GRIK2: variants seen among roughly 807,000 people sequenced by gnomAD.
GRIK2 encodes glutamate ionotropic receptor kainate type subunit 2.
In GRIK2, 32 loss-of-function variants were observed where a neutral mutation model predicts 100.3. That is an observed-to-expected ratio of 0.32 (90% CI 0.24 to 0.43). The LOEUF (loss-of-function observed/expected upper bound fraction) is 0.43, where lower values mean the gene tolerates loss of function less well. GRIK2 is among the 20% of genes least tolerant of loss of function. The probability of loss-of-function intolerance (pLI) is 1.00; values close to 1 mark genes in which losing one functional copy is unlikely to be tolerated. For missense variants in GRIK2, 843 were observed against 1,114.9 expected, an observed-to-expected ratio of 0.76 and a Z score of 3.47; for synonymous variants, 417 against 389.4, an observed-to-expected ratio of 1.07 and a Z score of -0.83.
intron 10 of GRIK2, among the ~76,000 whole-genome samples, chr6:101,826,390 G>A (rs1015613629): frequency 6.6e-6 from 1 of 152,042 alleles, no homozygotes; most frequent in Non-Finnish European, 1.5e-5. Context: ...AGACGTAAAG[G>A]TTAAAAGCCT....
At chr6:101,488,737 C>T (rs946182180) in intron 2 of GRIK2, among the ~76,000 whole-genome samples, 2 of 146,402 alleles carry the variant, frequency 1.4e-5, no homozygotes, top group Non-Finnish European at 3.0e-5. Context: ...CACAAATAAA[C>T]ACTTTTTTTA....
intron 11 of GRIK2, among the ~76,000 whole-genome samples, chr6:101,879,332 T>A (rs925338391): frequency 6.6e-6 from 1 of 152,066 alleles, no homozygotes; most frequent in African/African-American, 2.4e-5. Flanking sequence ...AATACATGCT[T>A]CTTTGAGGCT....
chr6:101,930,349 A>AG (rs1392805217), intron 14 of GRIK2, among the ~76,000 whole-genome samples: 1 of 39,390 alleles, frequency 2.5e-5, no homozygotes, highest in Non-Finnish European at 5.1e-5. Context: ...TCTCAAAAAA[A>AG]AAAAATAAAA....
chr6:101,919,729 AG>A (rs1160462709), intron 12 of GRIK2, among the ~76,000 whole-genome samples: 1 of 151,896 alleles, frequency 6.6e-6, no homozygotes, highest in African/African-American at 2.4e-5. Flanking sequence ...GTGAGAAACA[AG>A]GGTGCATGTC....
At chr6:102,064,058 C>T (rs754713155) in intron 16 of GRIK2, 1 of 1,165,590 alleles carries the variant, frequency 8.6e-7, no homozygotes, top group East Asian at 2.4e-5. Context: ...GGTTAGTATC[C>T]TTGTGCCTTT....
chr6:101,598,599 A>AG (rs1779040235), intron 2 of GRIK2, among the ~76,000 whole-genome samples: 1 of 141,878 alleles, frequency 7.0e-6, no homozygotes, highest in Non-Finnish European at 1.5e-5. Context: ...TAATAAAAAA[A>AG]AAAAAAAAAA....
In GRIK2 at chr6:101,686,236, G is replaced by A; in HGVS notation, c.834G>A (p.Gly278=). 2.5e-6 allele frequency: 4 copies of A among 1,612,782 alleles called. No homozygotes were observed. Among genetic ancestry groups the A allele is most frequent in the South Asian group, 1.1e-5 (1 of 91,042 alleles). The stretch of plus-strand genomic sequence containing the variant: ...GATACAGTGGTGTTAACATGACAGG[G>A]TTCAGAATATTAAATACAGAAAATA... ...PYRYSGVNMT[G]FRILNTENTQ... Residue 278 remains glycine, a synonymous_variant, in exon 7 of 17, where the codon GGG becomes GGA. Transcript: ENST00000369134.
chr6:101,800,843 G>C (rs1780624654), intron 8 of GRIK2, among the ~76,000 whole-genome samples: 1 of 152,006 alleles, frequency 6.6e-6, no homozygotes, highest in Admixed American at 6.6e-5. Flanking sequence ...CTAGATTATT[G>C]AAACAATGAC....
chr6:101,458,582 G>A (rs1056973005), intron 2 of GRIK2, among the ~76,000 whole-genome samples: 3 of 152,184 alleles, frequency 2.0e-5, no homozygotes, highest in Non-Finnish European at 4.4e-5. Flanking sequence ...TCTAGGCACT[G>A]CAGATACAAA....
In GRIK2 at chr6:101,505,108, T is replaced by C. The variant is rs184219103; in HGVS notation, c.115+105716T>C. 2.6e-3 allele frequency among the ~76,000 whole-genome samples: 398 copies of C among 152,094 alleles called. 5 individuals are homozygous for C. Among genetic ancestry groups the C allele is most frequent in the Non-Finnish European group, 7.1e-4 (48 of 67,962 alleles). On this transcript the variant is annotated intron_variant, in intron 2 of 16. Coordinates refer to ENST00000369134, the MANE Select transcript of GRIK2 (RefSeq NM_021956.5). ...ACTTGTCATTAAGTTTAAAAATTAC[T>C]ATGTTTAGTATTTGGTCAATTTGAT...
At chr6:101,951,982 A>C (rs1238092406) in intron 14 of GRIK2, among the ~76,000 whole-genome samples, 3 of 152,250 alleles carry the variant, frequency 2.0e-5, no homozygotes, top group African/African-American at 4.8e-5. Flanking sequence ...CGATGTTGGC[A>C]TTGTTAGAGA....
At chr6:101,901,547 A>T (rs1291841893) in intron 12 of GRIK2, among the ~76,000 whole-genome samples, 2 of 151,836 alleles carry the variant, frequency 1.3e-5, no homozygotes, top group African/African-American at 4.8e-5. Context: ...ATAAGGAATA[A>T]TCTTGGCTAC....
rs765266376 is a variant in GRIK2 at position 101,818,463 on chromosome 6, T to C, written c.1297T>C (p.Leu433=). 6.3e-7 allele frequency: 1 copy of C among 1,595,732 alleles called. No individual in the cohort carries two copies. The highest frequency in any genetic ancestry group is 2.2e-5 in the East Asian group (1 of 44,716). ...NITDSLSNRS[L]IVTTILEEPY... ...CACAGATTCCTTATCCAATCGTTCTTTGATTGTTACCACCATTTTGGTAAG... is the reference window on the plus strand; with the variant it reads ...CACAGATTCCTTATCCAATCGTTCTCTGATTGTTACCACCATTTTGGTAAG... Residue 433 remains leucine (L), a synonymous_variant, in exon 10 of 17, where the codon TTG becomes CTG. Transcript: ENST00000369134.
At chr6:101,513,871 C>A (rs971271923) in intron 2 of GRIK2, among the ~76,000 whole-genome samples, 1 of 151,728 alleles carries the variant, frequency 6.6e-6, no homozygotes, top group Admixed American at 6.6e-5. Context: ...GAGAGTAAAT[C>A]CAATGAATTA....
chr6:101,655,838 AT>A (rs1187559023), intron 4 of GRIK2, among the ~76,000 whole-genome samples: 1 of 152,140 alleles, frequency 6.6e-6, no homozygotes, highest in Non-Finnish European at 1.5e-5. Context: ...TCCCTACAGA[AT>A]TACAAGGACC....
chr6:101,665,225 G>A (rs1342897987), intron 4 of GRIK2, among the ~76,000 whole-genome samples: 2 of 152,122 alleles, frequency 1.3e-5, no homozygotes, highest in Non-Finnish European at 2.9e-5. Context: ...GGCACTCTCT[G>A]TCCACTTCAT....
At chr6:101,476,056 T>C (rs1056177689) in intron 2 of GRIK2, among the ~76,000 whole-genome samples, 5 of 152,110 alleles carry the variant, frequency 3.3e-5, no homozygotes, top group African/African-American at 9.6e-5. Context: ...AAATTTTGTT[T>C]TGTTTTAGTG....
intron 7 of GRIK2, among the ~76,000 whole-genome samples, chr6:101,780,659 C>T (rs1287818341): frequency 1.3e-5 from 2 of 152,164 alleles, no homozygotes; most frequent in African/African-American, 4.8e-5. Flanking sequence ...CTCTCTTCCT[C>T]TGTTCCACCC....
intron 11 of GRIK2, among the ~76,000 whole-genome samples, chr6:101,881,594 A>T (rs900999418): frequency 4.6e-5 from 7 of 151,998 alleles, no homozygotes; most frequent in African/African-American, 1.7e-4. Flanking sequence ...CTGCGTACTG[A>T]TATTTTTCTA....
Sources: gnomAD v4.1 joint callset for allele counts (sites outside exome capture counted in the v4.1 genomes callset) on GRCh38, gnomAD v4.1.1 for gene constraint, MANE v1.5 for transcripts, NCBI Gene and HGNC (gene_info 2026-07-23, HGNC 2026-07-21) for gene names.